Variants in NCKAP5 observed in about 807,000 individuals in gnomAD.
NCKAP5 encodes NCK associated protein 5, also known as nck-associated protein 5.
NCKAP5 carries 92 observed loss-of-function variants against 167.0 expected under a neutral mutation model. The observed-to-expected ratio is 0.55, with a 90% CI of 0.47 to 0.66. The LOEUF (loss-of-function observed/expected upper bound fraction) is 0.66, where lower values mean the gene tolerates loss of function less well. NCKAP5 is among the 30% of genes least tolerant of loss of function. The probability of loss-of-function intolerance (pLI) is 0.00; values close to 1 mark genes in which losing one functional copy is unlikely to be tolerated. For synonymous variants in NCKAP5, 891 were observed against 877.4 expected, an observed-to-expected ratio of 1.02 and a Z score of -0.27; for missense variants, 2,378 against 2,315.0, an observed-to-expected ratio of 1.03 and a Z score of -0.56.
chr2:133,455,454 C>T (rs980318100), intron 3 of NCKAP5, among the ~76,000 whole-genome samples: 1 of 151,988 alleles, frequency 6.6e-6, no homozygotes, highest in Admixed American at 6.6e-5. Context: ...TACCACTGGG[C>T]CCTAGATATA....
intron 7 of NCKAP5, among the ~76,000 whole-genome samples, chr2:132,966,999 G>C (rs1221072539): frequency 6.6e-6 from 1 of 152,176 alleles, no homozygotes; most frequent in African/African-American, 2.4e-5. Context: ...ATCTCAGCTA[G>C]TAACGTGAAC....
At chr2:133,558,703 G>GAAAAAA (rs1687926915) in intron 2 of NCKAP5, among the ~76,000 whole-genome samples, 2 of 5,212 alleles carry the variant, frequency 3.8e-4, no homozygotes, top group African/African-American at 1.6e-3. Context: ...AATGTGCTGA[G>GAAAAAA]CAAAAAAAAA....
chr2:133,342,276 T>C lies in NCKAP5; in HGVS notation c.70-39166A>G, dbSNP rs138765644. Among the ~76,000 whole-genome samples the C allele has an allele frequency of 5.9e-5, 9 of 152,050 alleles. No homozygotes were observed. In the South Asian group the frequency reaches 1.9e-3, roughly 32 times the overall value. On this transcript the variant is annotated intron_variant, in intron 3 of 19. Coordinates refer to ENST00000409261, the MANE Select transcript of NCKAP5 (RefSeq NM_207363.3). ...GGAGGGAACTAAGATTTACTGAGATTTTGATGCAGTAGGTCTGGGATGGGA... is the reference window on the plus strand; with the variant it reads ...GGAGGGAACTAAGATTTACTGAGATCTTGATGCAGTAGGTCTGGGATGGGA...
intron 5 of NCKAP5, among the ~76,000 whole-genome samples, chr2:133,206,334 T>C (rs1382040929): frequency 6.6e-6 from 1 of 152,194 alleles, no homozygotes; most frequent in Non-Finnish European, 1.5e-5. Context: ...CAGAAGAACA[T>C]AAATTGTGAA....
chr2:133,521,778 A>G (rs912793922), intron 2 of NCKAP5, among the ~76,000 whole-genome samples: 3 of 152,188 alleles, frequency 2.0e-5, no homozygotes, highest in African/African-American at 7.2e-5. Flanking sequence ...TCACATTGGG[A>G]GTTAGGGGTT....
intron 8 of NCKAP5, chr2:132,930,117 C>T (rs970134209): frequency 6.6e-6 from 1 of 152,180 alleles, no homozygotes; most frequent in Non-Finnish European, 1.5e-5. Context: ...TAACAAATCT[C>T]ATACTGGTTC....
intron 16 of NCKAP5, among the ~76,000 whole-genome samples, chr2:132,734,093 T>C (rs1339269276): frequency 6.6e-6 from 1 of 152,204 alleles, no homozygotes; most frequent in Non-Finnish European, 1.5e-5. Flanking sequence ...GCCTCATTAA[T>C]TTCAGGGCCC....
intron 16 of NCKAP5, among the ~76,000 whole-genome samples, chr2:132,738,559 T>G (rs1260825138): frequency 6.6e-6 from 1 of 152,248 alleles, no homozygotes; most frequent in African/African-American, 2.4e-5. Context: ...TCTTAATGCA[T>G]TTAGCCAGAA....
chr2:133,369,076 C>G (rs72989640), intron 3 of NCKAP5, among the ~76,000 whole-genome samples: 7,562 of 149,584 alleles, frequency 0.051, 577 homozygotes, highest in African/African-American at 0.17. Flanking sequence ...GGAGTAGGCA[C>G]AGTTTACAGA....
chr2:133,322,068 C>A (rs908138280), intron 3 of NCKAP5, among the ~76,000 whole-genome samples: 8 of 152,164 alleles, frequency 5.3e-5, no homozygotes, highest in African/African-American at 1.9e-4. Flanking sequence ...TCTCATAAGT[C>A]ATTCTGTAAA....
At chr2:133,646,955 G>A in the NCKAP5 span, among the ~76,000 whole-genome samples, 5 of 151,364 alleles carry the variant, frequency 3.3e-5, no homozygotes, top group South Asian at 2.1e-4. Flanking sequence ...CAAGGTAACC[G>A]CAAAAAAATA....
intron 15 of NCKAP5, among the ~76,000 whole-genome samples, chr2:132,777,854 T>A (rs150720288): frequency 5.1e-4 from 77 of 150,932 alleles, no homozygotes; most frequent in African/African-American, 1.8e-3. Flanking sequence ...CAGACATGAT[T>A]TTTTTTTTAG....
chr2:132,675,880 G>A (rs578003875), intron 19 of NCKAP5, among the ~76,000 whole-genome samples: 5 of 150,970 alleles, frequency 3.3e-5, no homozygotes, highest in African/African-American at 9.8e-5. Context: ...TGAACTTCTC[G>A]GGTTTCCTTT....
At chr2:133,624,989 G>C in the NCKAP5 span, among the ~76,000 whole-genome samples, 3 of 152,118 alleles carry the variant, frequency 2.0e-5, no homozygotes, top group Non-Finnish European at 2.9e-5. Flanking sequence ...ATAATGAGAG[G>C]AACCACTCAG....
chr2:132,794,253 TATATATATATAGAGAGAGAGAGAGAG>T (rs1485129176), intron 12 of NCKAP5, among the ~76,000 whole-genome samples: 6 of 55,152 alleles, frequency 1.1e-4, no homozygotes, highest in African/African-American at 3.0e-4. Flanking sequence ...TATATATATA[TATATATATATAGAGAGAGAGAGAGAG>T]AGAGAGAGAG....
the NCKAP5 span, among the ~76,000 whole-genome samples, chr2:133,672,635 C>T: frequency 6.6e-6 from 1 of 152,156 alleles, no homozygotes; most frequent in African/African-American, 2.4e-5. Context: ...GCCATAGAGT[C>T]TCTGTTGCAA....
chr2:132,811,317 G>T (rs766471721), intron 11 of NCKAP5, among the ~76,000 whole-genome samples: 1 of 152,122 alleles, frequency 6.6e-6, no homozygotes, highest in East Asian at 1.9e-4. Context: ...CTGTGGGCGG[G>T]GCCCTAGAGC....
chr2:133,642,539 A>G, the NCKAP5 span, among the ~76,000 whole-genome samples: 2 of 152,320 alleles, frequency 1.3e-5, no homozygotes, highest in Admixed American at 6.5e-5. Context: ...AATGTGGTTG[A>G]TACACCCTAA....
chr2:132,789,874 T>C lies in NCKAP5; in HGVS notation c.1092+149A>G, dbSNP rs572377703. 4.4e-6 allele frequency: 3 copies of C among 675,044 alleles called. No homozygotes were observed. The East Asian group carries it at 8.3e-5, about 19-fold the overall frequency. The allele number at this position is 675,044 out of a possible 1,614,324, so 41.8% of individuals were successfully genotyped here. On this transcript the variant is annotated intron_variant, in intron 13 of 19. Transcript: ENST00000409261. ...ATAGTGTTTTATGAGGCTATAGCAT[T>C]GATGAAAGGATGTCAGTATAATACA...
Sources: gnomAD v4.1 joint callset for allele counts (sites outside exome capture counted in the v4.1 genomes callset) on GRCh38, gnomAD v4.1.1 for gene constraint, MANE v1.5 for transcripts, NCBI Gene and HGNC (gene_info 2026-07-23, HGNC 2026-07-21) for gene names.